Variants in PTPRD observed in about 807,000 individuals in gnomAD.
PTPRD encodes the protein receptor-type tyrosine-protein phosphatase delta.
PTPRD carries 34 observed loss-of-function variants against 214.5 expected under a neutral mutation model. The observed-to-expected ratio is 0.16, with a 90% CI of 0.12 to 0.21. The LOEUF (loss-of-function observed/expected upper bound fraction) is 0.21. Ranked by LOEUF, PTPRD falls within the 10% of genes least tolerant of loss-of-function variation. The pLI is 1.00. For missense variants in PTPRD, 2,545 were observed against 2,398.7 expected (o/e 1.06, Z -1.27); for synonymous variants, 1,128 against 845.7 (o/e 1.33, Z -5.79).
chr9:10,063,047 C>A (rs1423361239), intron 3 of PTPRD, among the ~76,000 whole-genome samples: 1 of 151,930 alleles, frequency 6.6e-6, no homozygotes, highest in African/African-American at 2.4e-5. Context: ...TTTAGTATAG[C>A]CAATAAATTG....
intron 3 of PTPRD, among the ~76,000 whole-genome samples, chr9:10,102,479 A>G (rs1440834915): frequency 6.6e-6 from 1 of 151,670 alleles, no homozygotes; most frequent in Non-Finnish European, 1.5e-5. Context: ...TATTTTGCCT[A>G]TTAATCTCAG....
rs563145145 is a variant in PTPRD, at chr9:9,299,443, C to A, written c.-203+98006G>T. Among the ~76,000 whole-genome samples the A allele has an allele frequency of 4.0e-5, 6 of 151,732 alleles. No homozygotes were observed. The South Asian group carries it at 1.2e-3, about 31-fold the overall frequency. ...TCAGCCTGCATAACAAAGATTTTTC[C>A]AGTGCACAATTTCAATGGTGCTGGC... On this transcript the variant is annotated intron_variant, in intron 9 of 45. Coordinates refer to ENST00000381196, the MANE Select transcript of PTPRD (RefSeq NM_002839.4).
chr9:10,158,708 G>A (rs1043083340), intron 3 of PTPRD, among the ~76,000 whole-genome samples: 4 of 152,060 alleles, frequency 2.6e-5, no homozygotes, highest in African/African-American at 9.7e-5. Flanking sequence ...AAATTTGCCT[G>A]CCACCAACTG....
intron 9 of PTPRD, among the ~76,000 whole-genome samples, chr9:9,253,779 C>A (rs922994294): frequency 1.3e-5 from 2 of 152,104 alleles, no homozygotes; most frequent in African/African-American, 4.8e-5. Context: ...TTTCTGAGAA[C>A]TGCTGTAACA....
At chr9:10,422,622 AC>A (rs1280427347) in intron 2 of PTPRD, among the ~76,000 whole-genome samples, 2 of 152,000 alleles carry the variant, frequency 1.3e-5, no homozygotes, top group East Asian at 3.9e-4. Flanking sequence ...AAAACAAACA[AC>A]CCCATCAAAG....
intron 39 of PTPRD, among the ~76,000 whole-genome samples, chr9:8,371,673 C>G (rs1187945965): frequency 6.6e-6 from 1 of 151,912 alleles, no homozygotes; most frequent in African/African-American, 2.4e-5. Context: ...AATTCATGCT[C>G]AAATTTTAAA....
intron 7 of PTPRD, among the ~76,000 whole-genome samples, chr9:9,593,111 A>C (rs644724): frequency 1.4e-5 from 2 of 148,124 alleles, no homozygotes; most frequent in African/African-American, 5.0e-5. Context: ...AGAGAGAGAA[A>C]GGAAGGAAGG....
intron 34 of PTPRD, among the ~76,000 whole-genome samples, chr9:8,447,228 G>A (rs2095766235): frequency 6.6e-6 from 1 of 151,968 alleles, no homozygotes; most frequent in South Asian, 2.1e-4. Context: ...ATCTCATTTT[G>A]TCTACTACAG....
intron 2 of PTPRD, among the ~76,000 whole-genome samples, chr9:10,437,069 G>T (rs1040074370): frequency 1.3e-5 from 2 of 151,640 alleles, no homozygotes; most frequent in Admixed American, 1.3e-4. Context: ...ACAACAACTT[G>T]ACCTAATTTT....
chr9:9,829,688 A>G (rs1038319840), intron 5 of PTPRD, among the ~76,000 whole-genome samples: 3 of 151,958 alleles, frequency 2.0e-5, no homozygotes, highest in Non-Finnish European at 4.4e-5. Flanking sequence ...TAGACACTGA[A>G]TGTTTCAGCT....
chr9:9,930,013 C>T (rs1260299499), intron 5 of PTPRD, among the ~76,000 whole-genome samples: 2 of 152,148 alleles, frequency 1.3e-5, no homozygotes, highest in African/African-American at 4.8e-5. Context: ...GTCAGATACT[C>T]AGTCTGTAGG....
chr9:8,735,620 T>C (rs543539566), intron 11 of PTPRD, among the ~76,000 whole-genome samples: 22 of 152,006 alleles, frequency 1.4e-4, no homozygotes, highest in African/African-American at 4.8e-4. Flanking sequence ...CAAAAGAAAA[T>C]GGTTCAGAGT....
intron 14 of PTPRD, among the ~76,000 whole-genome samples, chr9:8,584,792 T>C (rs1480346690): frequency 2.6e-5 from 4 of 152,224 alleles, no homozygotes; most frequent in Non-Finnish European, 4.4e-5. Flanking sequence ...GAAAGAGGTT[T>C]AACTGACTAA....
rs370834083 is a variant in PTPRD, at chr9:9,135,196, G to T, written c.-143+48108C>A. Among the ~76,000 whole-genome samples, 26 of 152,312 alleles carry T rather than the reference G, an allele frequency of 1.7e-4. No homozygotes were observed. The South Asian group carries it at 5.2e-3, about 30-fold the overall frequency. On this transcript the variant is annotated intron_variant, in intron 10 of 45. Transcript: ENST00000381196. The stretch of plus-strand genomic sequence containing the variant: ...TTTGCAGAACTGAGAGAGGACTCAT[G>T]TCTTTCCACTCTGATTGTATGCTTT...
intron 26 of PTPRD, among the ~76,000 whole-genome samples, 153 bp from the exon 27 acceptor site, chr9:8,493,132 G>T (rs890298382): frequency 2.6e-5 from 4 of 152,186 alleles, no homozygotes; most frequent in African/African-American, 9.7e-5. Context: ...TCATGCTATG[G>T]AGATCTGTTT....
intron 11 of PTPRD, among the ~76,000 whole-genome samples, chr9:8,952,922 C>A (rs1404902226): frequency 6.6e-6 from 1 of 150,898 alleles, no homozygotes; most frequent in African/African-American, 2.4e-5. Flanking sequence ...TGATCTTTCA[C>A]TGGCTTCTGT....
intron 5 of PTPRD, among the ~76,000 whole-genome samples, chr9:9,849,734 G>T (rs2060193089): frequency 6.6e-6 from 1 of 152,114 alleles, no homozygotes; most frequent in South Asian, 2.1e-4. Flanking sequence ...TACTAGCTGT[G>T]TGCTAATTTG....
At chr9:10,066,556 G>A (rs1781624306) in intron 3 of PTPRD, among the ~76,000 whole-genome samples, 1 of 151,802 alleles carries the variant, frequency 6.6e-6, no homozygotes, top group Non-Finnish European at 1.5e-5. Context: ...CTCAAAAGCT[G>A]TTATTTTTAG....
At chr9:9,006,970 AG>A (rs1170161249) in intron 11 of PTPRD, among the ~76,000 whole-genome samples, 1 of 151,992 alleles carries the variant, frequency 6.6e-6, no homozygotes, top group Non-Finnish European at 1.5e-5. Flanking sequence ...ATAGCAAGAT[AG>A]GGTAGAGAAA....
Sources: allele counts gnomAD v4.1 joint callset (sites outside exome capture counted in the v4.1 genomes callset), GRCh38; gene constraint gnomAD v4.1.1; transcripts MANE v1.5; gene names NCBI Gene and HGNC (gene_info 2026-07-23, HGNC 2026-07-21).